CELF2: variants seen among roughly 807,000 people sequenced by gnomAD.
CELF2 encodes CUGBP Elav-like family member 2.
In CELF2, 8 loss-of-function variants were observed where a neutral mutation model predicts 62.6. The observed-to-expected ratio is 0.13, with a 90% confidence interval of 0.07 to 0.23. The LOEUF is 0.23. Ranked by LOEUF, CELF2 falls within the 10% of genes least tolerant of loss-of-function variation. CELF2 has a pLI of 1.00. For synonymous variants in CELF2, 258 were observed against 250.0 expected, an observed-to-expected ratio of 1.03 and a Z score of -0.30; for missense variants, 333 against 671.0, an observed-to-expected ratio of 0.50 and a Z score of 5.56.
intron 2 of CELF2, among the ~76,000 whole-genome samples, chr10:10,926,301 G>A (rs1049303449): frequency 6.6e-6 from 1 of 152,158 alleles, no homozygotes; most frequent in Non-Finnish European, 1.5e-5. Flanking sequence ...CGTAAAAAGG[G>A]CTTGTGGGGG....
upstream of CELF2, among the ~76,000 whole-genome samples, chr10:10,795,742 A>C (rs528160589): frequency 7.0e-6 from 1 of 142,682 alleles, no homozygotes; most frequent in South Asian, 2.4e-4. Context: ...ACACACTTGG[A>C]CTTTGAAATT....
chr10:11,230,104 C>G (rs916034623), intron 3 of CELF2, among the ~76,000 whole-genome samples: 1 of 152,094 alleles, frequency 6.6e-6, no homozygotes, highest in Non-Finnish European at 1.5e-5. Context: ...GCAGCAGTCA[C>G]GTCATCTGAG....
At chr10:10,697,556 A>T in the CELF2 span, among the ~76,000 whole-genome samples, 1 of 152,202 alleles carries the variant, frequency 6.6e-6, no homozygotes, top group Non-Finnish European at 1.5e-5. Context: ...ACAGTTCTAG[A>T]GGCTGGGAAG....
chr10:11,211,813 AGT>A lies in CELF2; in HGVS notation c.272-5571_272-5570del, dbSNP rs869213973. Among the ~76,000 whole-genome samples, 4,675 of 88,920 alleles carry A rather than the reference AGT, an allele frequency of 0.053. 93 individuals are homozygous for A. Among genetic ancestry groups the A allele is most frequent in the African/African-American group, 0.077 (1,611 of 21,046 alleles). 58.3% of individuals were successfully genotyped at this position (88,920 alleles called of 152,430 possible). A position where few individuals can be genotyped will look rare whatever the true frequency, so the allele number is the denominator to read the frequency against. Reference sequence around the variant, plus strand: ...GTGTGAGAGAGAGAGAGAGAGAGAGAGTGTGTGTGTGTGTGTGTGTGTGTGTG... The same window carrying A: ...GTGTGAGAGAGAGAGAGAGAGAGAGAGTGTGTGTGTGTGTGTGTGTGTGTG... On this transcript the variant is annotated intron_variant, in intron 2 of 12. Transcript: ENST00000633077. The surrounding 1 kb of genome is among the most constrained non-coding windows in gnomAD (Gnocchi z 4.8).
At chr10:10,994,839 C>T (rs1003183414) in intron 2 of CELF2, among the ~76,000 whole-genome samples, 5 of 150,692 alleles carry the variant, frequency 3.3e-5, no homozygotes, top group African/African-American at 9.7e-5. Context: ...CTTTGTCAAT[C>T]CAAGCTCTTC....
At chr10:11,107,855 ATCCCTTC>A (rs1554840885) in intron 1 of CELF2, among the ~76,000 whole-genome samples, 4 of 78,614 alleles carry the variant, frequency 5.1e-5, no homozygotes, top group Non-Finnish European at 9.5e-5. Flanking sequence ...ATTTCTCCCC[ATCCCTTC>A]TACCATCTCC....
intron 2 of CELF2, among the ~76,000 whole-genome samples, chr10:10,944,791 T>C (rs974148181): frequency 1.3e-5 from 2 of 151,962 alleles, no homozygotes; most frequent in Non-Finnish European, 2.9e-5. Flanking sequence ...TTATTAGAAA[T>C]GGGGTTTCGC....
chr10:11,189,203 G>T (rs977991939), intron 2 of CELF2, among the ~76,000 whole-genome samples: 5 of 152,238 alleles, frequency 3.3e-5, no homozygotes, highest in Admixed American at 2.0e-4. Context: ...AGGGCTCTTT[G>T]TCTGGTAGTT....
At chr10:11,173,217 C>G (rs2069580366) in intron 2 of CELF2, among the ~76,000 whole-genome samples, 1 of 152,180 alleles carries the variant, frequency 6.6e-6, no homozygotes, top group South Asian at 2.1e-4. Flanking sequence ...GGCAACCAGT[C>G]CTTTGGAGGG....
rs185529888 is a variant in CELF2 at position 10,944,587 on chromosome 10, G to C, written c.89+24588G>C. Among the ~76,000 whole-genome samples, 526 of 152,096 alleles carry C rather than the reference G, an allele frequency of 3.5e-3. 5 individuals are homozygous for C. Among genetic ancestry groups the C allele is most frequent in the African/African-American group, 0.012 (499 of 41,478 alleles). On this transcript the variant is annotated intron_variant, in intron 2 of 13. Coordinates refer to the CELF2 transcript ENST00000636488. ...TAGTGAGCGGCACAGAATAAACTTG[G>C]AGGGAGGATTTTTTTTTCTTTTGTT...
the CELF2 span, among the ~76,000 whole-genome samples, chr10:10,622,454 A>G: frequency 2.0e-5 from 3 of 150,922 alleles, no homozygotes. Context: ...ACATACATAC[A>G]TACATACGTA....
chr10:10,976,175 C>T (rs2051317555), intron 2 of CELF2, among the ~76,000 whole-genome samples: 2 of 152,150 alleles, frequency 1.3e-5, no homozygotes, highest in Admixed American at 6.5e-5. Flanking sequence ...AACTTCATCC[C>T]GTTTTATCCA....
chr10:10,713,880 CAA>C, the CELF2 span, among the ~76,000 whole-genome samples: 1 of 152,004 alleles, frequency 6.6e-6, no homozygotes, highest in Non-Finnish European at 1.5e-5. Context: ...ACTAAAAATA[CAA>C]AACTTAGCTG....
the CELF2 span, among the ~76,000 whole-genome samples, chr10:10,739,494 G>C: frequency 6.6e-6 from 1 of 152,144 alleles, no homozygotes; most frequent in Non-Finnish European, 1.5e-5. Flanking sequence ...AAAAATGGTA[G>C]AGTTCCCATA....
At chr10:10,479,013 T>C in the CELF2 span, among the ~76,000 whole-genome samples, 250 of 152,338 alleles carry the variant, frequency 1.6e-3, 3 homozygotes, top group Admixed American at 0.013. Context: ...TGGCATTATC[T>C]GACTGACAGG....
At chr10:11,139,355 C>T (rs1448891681) in intron 1 of CELF2, among the ~76,000 whole-genome samples, 1 of 152,122 alleles carries the variant, frequency 6.6e-6, no homozygotes, top group Non-Finnish European at 1.5e-5. Flanking sequence ...ATTGTCTTTG[C>T]AAAACACAGT....
At chr10:11,004,441 GTGTGT>G (rs1470928745), upstream of CELF2, among the ~76,000 whole-genome samples, 5 of 151,968 alleles carry the variant, frequency 3.3e-5, no homozygotes, top group African/African-American at 1.2e-4. This position sits in a 1 kb window ranked among gnomAD's most constrained non-coding sequence, Gnocchi z 5.0. Flanking sequence ...GTGTGTGTGT[GTGTGT>G]TGTTATTTTA....
the CELF2 span, among the ~76,000 whole-genome samples, chr10:10,765,504 A>T: frequency 0.014 from 2,162 of 152,278 alleles, 52 homozygotes; most frequent in African/African-American, 0.05. Flanking sequence ...CTTGCGTTGT[A>T]TTGACTCCCC....
intron 9 of CELF2, among the ~76,000 whole-genome samples, chr10:11,307,001 A>G (rs7072393): frequency 0.61 from 92,250 of 151,508 alleles, 28,290 homozygotes; most frequent in East Asian, 0.81. Context: ...CTGTGCGTGT[A>G]TCTGTGCCTA....
Sources: gnomAD v4.1 joint callset for allele counts (sites outside exome capture counted in the v4.1 genomes callset) on GRCh38, gnomAD v4.1.1 for gene constraint, Gnocchi (gnomAD v3.1) non-coding constraint, MANE v1.5 for transcripts, NCBI Gene and HGNC (gene_info 2026-07-23, HGNC 2026-07-21) for gene names.